Variants in FRAS1 observed in about 807,000 individuals in gnomAD.
FRAS1 encodes the protein Fraser extracellular matrix complex subunit 1.
In FRAS1, 290 loss-of-function variants were observed where a neutral mutation model predicts 435.2. The observed-to-expected ratio is 0.67, with a 90% CI of 0.61 to 0.73. The LOEUF (loss-of-function observed/expected upper bound fraction) is 0.73. Ranked by LOEUF, FRAS1 falls within the 30% of genes least tolerant of loss-of-function variation. The pLI is 0.00. For missense variants in FRAS1, 4,860 were observed against 5,001.5 expected, an observed-to-expected ratio of 0.97 and a Z score of 0.85; for synonymous variants, 1,800 against 1,851.0, an observed-to-expected ratio of 0.97 and a Z score of 0.71.
chr4:78,344,350 A>T (rs942723000), intron 20 of FRAS1, among the ~76,000 whole-genome samples: 1 of 152,064 alleles, frequency 6.6e-6, no homozygotes, highest in Non-Finnish European at 1.5e-5. Context: ...GAAGGTAGGT[A>T]CTAATTTTAT....
At chr4:78,088,234 G>C (rs1741305719) in intron 2 of FRAS1, among the ~76,000 whole-genome samples, 1 of 152,150 alleles carries the variant, frequency 6.6e-6, no homozygotes, top group African/African-American at 2.4e-5. Flanking sequence ...TATGTAGAAA[G>C]CTGAAACTGG....
chr4:78,295,776 A>C (rs1426799327), intron 14 of FRAS1, among the ~76,000 whole-genome samples: 1 of 144,064 alleles, frequency 6.9e-6, no homozygotes. Context: ...ATGGAGTCTC[A>C]CTCTGTCACC....
intron 2 of FRAS1, among the ~76,000 whole-genome samples, chr4:78,166,549 T>C (rs554645490): frequency 6.6e-5 from 10 of 152,328 alleles, no homozygotes; most frequent in African/African-American, 2.4e-4. Flanking sequence ...GTATTTTGCT[T>C]AGGAGAGAAA....
chr4:78,456,148 T>TCTTTTC (rs372166037), intron 47 of FRAS1, among the ~76,000 whole-genome samples: 1 of 103,566 alleles, frequency 9.7e-6, no homozygotes, highest in African/African-American at 3.2e-5. Context: ...CTTTTTTTTT[T>TCTTTTC]TTTTTTTTTT....
Position 78,479,729 on chromosome 4 carries a change from G to A in FRAS1, c.8443+11G>A. On this transcript the variant is annotated intron_variant, in intron 56 of 73. Transcript: ENST00000512123. ...TCAGTGAGGACGCAGGTAATGGAGA[G>A]TGTCTCTGAGTTTCCTTCACCTGTC... The A allele has an allele frequency of 6.5e-7, 1 of 1,533,814 alleles. No homozygotes were observed. The highest frequency in any genetic ancestry group is 1.4e-5 in the African/African-American group (1 of 73,144).
At chr4:78,101,905 G>C (rs143636682) in intron 2 of FRAS1, among the ~76,000 whole-genome samples, 23 of 152,180 alleles carry the variant, frequency 1.5e-4, no homozygotes, top group African/African-American at 5.1e-4. Context: ...CATTCCGCTC[G>C]TGTCCATTTG....
chr4:78,257,757 T>A (rs1354582581), intron 6 of FRAS1, among the ~76,000 whole-genome samples: 1 of 152,210 alleles, frequency 6.6e-6, no homozygotes, highest in Non-Finnish European at 1.5e-5. Flanking sequence ...AATCACATTT[T>A]AAAAATTGGT....
At chr4:78,236,370 G>C (rs527493928) in intron 2 of FRAS1, among the ~76,000 whole-genome samples, 1 of 151,886 alleles carries the variant, frequency 6.6e-6, no homozygotes, top group East Asian at 1.9e-4. Flanking sequence ...GGAACAGGTG[G>C]TGTTTACATG....
At chr4:78,066,507 C>T (rs1047922301) in intron 2 of FRAS1, among the ~76,000 whole-genome samples, 2 of 152,084 alleles carry the variant, frequency 1.3e-5, no homozygotes, top group Non-Finnish European at 2.9e-5. Context: ...GAACTCTTGC[C>T]ATATAGGGTA....
At chr4:78,119,592 G>T (rs1183207535) in intron 2 of FRAS1, among the ~76,000 whole-genome samples, 1 of 152,084 alleles carries the variant, frequency 6.6e-6, no homozygotes, top group Non-Finnish European at 1.5e-5. Context: ...TTCAGCTGTT[G>T]TTGGACACTT....
intron 14 of FRAS1, among the ~76,000 whole-genome samples, chr4:78,298,648 A>G (rs73827961): frequency 6.6e-6 from 1 of 152,232 alleles, no homozygotes; most frequent in Non-Finnish European, 1.5e-5. Context: ...TACAGCTTCA[A>G]GTTTCTCTTA....
intron 68 of FRAS1, 92 bp downstream of exon 68, chr4:78,521,722 T>A (rs983404338): frequency 2.7e-6 from 2 of 743,604 alleles, no homozygotes; most frequent in Non-Finnish European, 4.5e-6. Context: ...TAAAAAACAG[T>A]CAACAATGAT....
chr4:78,137,133 C>T (rs546213891), intron 2 of FRAS1, among the ~76,000 whole-genome samples: 9 of 152,298 alleles, frequency 5.9e-5, no homozygotes, highest in Admixed American at 5.2e-4. Flanking sequence ...TTTTACTGAA[C>T]CTAAACAGGG....
intron 53 of FRAS1, among the ~76,000 whole-genome samples, chr4:78,474,026 A>G (rs546960982): frequency 6.6e-6 from 1 of 152,204 alleles, no homozygotes; most frequent in Non-Finnish European, 1.5e-5. Flanking sequence ...AGTAGAACTG[A>G]TAGGAAAAAT....
intron 32 of FRAS1, among the ~76,000 whole-genome samples, chr4:78,417,214 A>G (rs1363011778): frequency 6.6e-6 from 1 of 152,188 alleles, no homozygotes. Flanking sequence ...ATAAATTTCA[A>G]AATAGACTGT....
intron 2 of FRAS1, among the ~76,000 whole-genome samples, chr4:78,118,695 C>T (rs1718817849): frequency 6.6e-6 from 1 of 152,052 alleles, no homozygotes; most frequent in Non-Finnish European, 1.5e-5. Context: ...GGGAGTGACC[C>T]GATTTTCCAG....
In FRAS1 at chr4:78,058,005, C is replaced by G. The variant is rs749377838; in HGVS notation, c.-5C>G. 11 of 1,613,618 alleles carry G rather than the reference C, an allele frequency of 6.8e-6. No individual in the cohort carries two copies. The African/African-American group carries it at 1.5e-4, about 22-fold the overall frequency. ...GGCTCCTCCATCGTGGGTGCCGAGG[C>G]GGCGATGGGTGTCCTCAAAGTGTGG... is the stretch of plus-strand genomic sequence containing the variant. On this transcript the variant is annotated 5_prime_UTR_variant, in exon 1 of 74. Transcript: ENST00000512123.
intron 2 of FRAS1, among the ~76,000 whole-genome samples, chr4:78,140,648 T>C (rs973610579): frequency 1.3e-5 from 2 of 150,744 alleles, no homozygotes; most frequent in Admixed American, 6.6e-5. Flanking sequence ...TATGTGTATA[T>C]GTATATACGT....
At chr4:78,265,231 G>A in intron 7 of FRAS1, 123 bp downstream of exon 7, 1 of 580,928 alleles carries the variant, frequency 1.7e-6, no homozygotes, top group Non-Finnish European at 3.0e-6. Flanking sequence ...TAGTAACTCA[G>A]TACATAAACA....
Sources: gnomAD v4.1 joint callset for allele counts (sites outside exome capture counted in the v4.1 genomes callset) on GRCh38, gnomAD v4.1.1 for gene constraint, MANE v1.5 for transcripts, NCBI Gene and HGNC (gene_info 2026-07-23, HGNC 2026-07-21) for gene names.